Variants in OTOG observed in about 807,000 individuals in gnomAD.
The protein encoded by OTOG is otogelin.
A neutral mutation model predicts 313.8 loss-of-function variants in OTOG; 296 were observed. The ratio of observed to expected loss-of-function variants is 0.94; its 90% CI spans 0.86 to 1.04. The LOEUF (loss-of-function observed/expected upper bound fraction) is 1.04, where lower values mean the gene tolerates loss of function less well. Ranked by LOEUF, OTOG falls within the 50% of genes least tolerant of loss-of-function variation. The probability of loss-of-function intolerance (pLI) is 0.00; values close to 1 mark genes in which losing one functional copy is unlikely to be tolerated. For synonymous variants in OTOG, 1,533 were observed against 1,554.9 expected (o/e 0.99, Z 0.33); for missense variants, 3,948 against 3,840.1 (o/e 1.03, Z -0.74).
intron 30 of OTOG, among the ~76,000 whole-genome samples, chr11:17,597,612 G>A (rs182119210): frequency 3.3e-5 from 5 of 152,096 alleles, no homozygotes; most frequent in South Asian, 2.1e-4. Flanking sequence ...ATACATATGC[G>A]TACATAGATA....
chr11:17,570,280 G>A lies in OTOG; in HGVS notation c.1845G>A (p.Val615=), dbSNP rs143021830. 2.6e-6 allele frequency: 4 copies of A among 1,550,852 alleles called. No homozygotes were observed. The African/African-American group carries it at 5.5e-5, about 21-fold the overall frequency. ...LRVRTNVGVR[V]LYDREGLRLY... ...TGAGGACGAACGTGGGCGTGCGGGT[G>A]CTCTACGACCGTGAAGGGCTCCGAC... Residue 615 remains valine (V), a synonymous_variant, in exon 17 of 56, where the codon GTG becomes GTA. Coordinates refer to ENST00000399397, the MANE Select transcript of OTOG (RefSeq NM_001292063.2).
rs77289919 is a variant in OTOG at position 17,552,825 on chromosome 11, C to T, written c.293-294C>T. Among the ~76,000 whole-genome samples the T allele has an allele frequency of 0.019, 2,856 of 152,372 alleles. 111 individuals are homozygous for T. Among genetic ancestry groups the T allele is most frequent in the African/African-American group, 0.065 (2,697 of 41,578 alleles). ...ACATGCTCCCCATTCTCAGTTCTGC[C>T]TGCCTTGCTTGCTAGCCAGGAACAG... On this transcript the variant is annotated intron_variant, in intron 4 of 55. Coordinates refer to ENST00000399397, the MANE Select transcript of OTOG (RefSeq NM_001292063.2).
At chr11:17,612,875 C>T in intron 38 of OTOG, 110 bp downstream of exon 38, 1 of 1,287,522 alleles carries the variant, frequency 7.8e-7, no homozygotes, top group Admixed American at 2.6e-5. Context: ...ATGTGGAAGC[C>T]CCCCTGAGCT....
At chr11:17,622,271 T>A (rs1017228747) in intron 39 of OTOG, among the ~76,000 whole-genome samples, 3 of 152,196 alleles carry the variant, frequency 2.0e-5, no homozygotes, top group Non-Finnish European at 2.9e-5. Flanking sequence ...TATATATTTG[T>A]GGGGTACATA....
intron 42 of OTOG, among the ~76,000 whole-genome samples, chr11:17,632,891 G>A (rs187431969): frequency 6.6e-6 from 1 of 152,318 alleles, no homozygotes; most frequent in Non-Finnish European, 1.5e-5. Context: ...CTTGGGTCGT[G>A]TTCTTCAAAC....
intron 38 of OTOG, among the ~76,000 whole-genome samples, 185 bp downstream of exon 38, chr11:17,612,950 A>C (rs1220884998): frequency 1.3e-5 from 2 of 152,144 alleles, no homozygotes; most frequent in Non-Finnish European, 2.9e-5. Context: ...TGGGGAAAGA[A>C]TTGAGTGGAG....
intron 39 of OTOG, among the ~76,000 whole-genome samples, chr11:17,614,772 G>A (rs952089373): frequency 2.0e-5 from 3 of 152,132 alleles, no homozygotes; most frequent in Admixed American, 1.3e-4. Context: ...ATGTACCATA[G>A]TTTATTTATC....
chr11:17,632,872 A>G (rs1854164356), intron 42 of OTOG, among the ~76,000 whole-genome samples: 1 of 152,250 alleles, frequency 6.6e-6, no homozygotes, highest in East Asian at 1.9e-4. Context: ...AGGAAAAGAC[A>G]AAAGTCCTCT....
At chr11:17,636,267 AG>A (rs1309525263) in intron 47 of OTOG, among the ~76,000 whole-genome samples, 4 of 152,228 alleles carry the variant, frequency 2.6e-5, no homozygotes, top group African/African-American at 9.6e-5. Context: ...CTGTGTTCAT[AG>A]TACCTTGATA....
chr11:17,594,127 T>A lies in OTOG; in HGVS notation c.3369T>A (p.Thr1123=). 1.3e-6 allele frequency: 2 copies of A among 1,550,600 alleles called. No individual in the cohort carries two copies. The highest frequency in any genetic ancestry group is 1.7e-6 in the Non-Finnish European group (2 of 1,146,976). The part of the protein sequence containing the change: ...EMRTPENLEL[T]NPQEFGSSWA... ...GGACCCCGGAGAACCTAGAGCTAAC[T>A]AACCCCCAGGAGTTTGGCAGCAGTT... The change falls in exon 28 of 56, where the codon ACT becomes ACA. Residue 1123 remains threonine, a synonymous_variant. Transcript: ENST00000399397.
intron 17 of OTOG, among the ~76,000 whole-genome samples, chr11:17,570,934 C>T (rs562053939): frequency 3.9e-5 from 6 of 152,116 alleles, no homozygotes; most frequent in East Asian, 1.9e-4. Flanking sequence ...TGAGTTTGCA[C>T]GCCGTGAGCC....
intron 27 of OTOG, 72 bp downstream of exon 27, chr11:17,593,828 T>A (rs1285711524): frequency 2.0e-5 from 31 of 1,517,288 alleles, no homozygotes; most frequent in Non-Finnish European, 2.5e-5. Context: ...TTGGGTGAGC[T>A]GTACCCTCCC....
intron 49 of OTOG, among the ~76,000 whole-genome samples, chr11:17,639,687 T>C (rs558539524): frequency 1.3e-5 from 2 of 152,282 alleles, no homozygotes; most frequent in East Asian, 1.9e-4. Flanking sequence ...TTAAGTACAA[T>C]GAAGATGAAA....
intron 15 of OTOG, among the ~76,000 whole-genome samples, chr11:17,563,315 G>T (rs1852229956): frequency 6.6e-6 from 1 of 152,230 alleles, no homozygotes; most frequent in Non-Finnish European, 1.5e-5. Flanking sequence ...CTGCCCCACA[G>T]TCCTGCCTCC....
At chr11:17,601,323 G>A (rs916843284) in intron 31 of OTOG, among the ~76,000 whole-genome samples, 1 of 152,158 alleles carries the variant, frequency 6.6e-6, no homozygotes, top group Non-Finnish European at 1.5e-5. Flanking sequence ...TGACATTTGA[G>A]CTGGGCCCCA....
At chr11:17,557,432 G>A in intron 8 of OTOG, 109 bp downstream of exon 8, 1 of 1,111,742 alleles carries the variant, frequency 9.0e-7, no homozygotes, top group South Asian at 1.6e-5. Flanking sequence ...TCGTGGTCAT[G>A]GTATTAAAGA....
chr11:17,612,639 T>C lies in OTOG; in HGVS notation c.6312T>C (p.Pro2104=). ...CCCCAGGCCGGTGCTCAATCTTCCCTGACCTGAGCTTCGTGACCTTCGATG... is the reference window on the plus strand; with the variant it reads ...CCCCAGGCCGGTGCTCAATCTTCCCCGACCTGAGCTTCGTGACCTTCGATG... ...WECACRCSIF[P]DLSFVTFDGS... The change falls in exon 38 of 56, where the codon CCT becomes CCC. Residue 2104 remains proline, a synonymous_variant. Transcript: ENST00000399397. The C allele has an allele frequency of 6.4e-7, 1 of 1,550,624 alleles. No homozygotes were observed. The highest frequency in any genetic ancestry group is 8.7e-7 in the Non-Finnish European group (1 of 1,146,952).
intron 40 of OTOG, among the ~76,000 whole-genome samples, chr11:17,630,162 G>A (rs1264869169): frequency 1.3e-5 from 2 of 152,026 alleles, no homozygotes; most frequent in Non-Finnish European, 2.9e-5. Flanking sequence ...CAGTCGCTGG[G>A]GACAAAACAG....
intron 35 of OTOG, 110 bp downstream of exon 35, chr11:17,609,319 A>G: frequency 5.0e-6 from 5 of 997,794 alleles, no homozygotes; most frequent in Middle Eastern, 2.1e-4. Context: ...CAAGATCAGC[A>G]CAGGGACCTT....
Sources: allele counts gnomAD v4.1 joint callset (sites outside exome capture counted in the v4.1 genomes callset), GRCh38; gene constraint gnomAD v4.1.1; transcripts MANE v1.5; gene names NCBI Gene and HGNC (gene_info 2026-07-23, HGNC 2026-07-21).